FMN1: variants seen among roughly 807,000 people sequenced by gnomAD.
FMN1 encodes the protein formin 1.
FMN1 carries 110 observed loss-of-function variants against 132.4 expected under a neutral mutation model. The observed-to-expected ratio is 0.83, with a 90% CI of 0.71 to 0.97. FMN1 has a LOEUF of 0.97. FMN1 is among the 50% of genes least tolerant of loss of function. The pLI, the probability that FMN1 is intolerant of heterozygous loss-of-function variation, is 0.00. For synonymous variants in FMN1, 722 were observed against 651.7 expected (o/e 1.11, Z -1.64); for missense variants, 1,792 against 1,705.3 (o/e 1.05, Z -0.90).
At chr15:33,017,666 G>A (rs983022057) in intron 6 of FMN1, among the ~76,000 whole-genome samples, 3 of 152,100 alleles carry the variant, frequency 2.0e-5, no homozygotes, top group South Asian at 4.1e-4. Flanking sequence ...AATTTCTTTA[G>A]GCAAAAATAT....
At chr15:32,820,976 G>T (rs1055791799) in intron 17 of FMN1, among the ~76,000 whole-genome samples, 5 of 151,852 alleles carry the variant, frequency 3.3e-5, no homozygotes, top group Admixed American at 2.0e-4. Context: ...TAATAAAGAG[G>T]TCTCGTATTT....
At chr15:32,931,801 T>C (rs1433626036) in intron 9 of FMN1, among the ~76,000 whole-genome samples, 1 of 152,340 alleles carries the variant, frequency 6.6e-6, no homozygotes, top group Admixed American at 6.5e-5. Context: ...TTTTGGTTTT[T>C]CAACCTTGAT....
chr15:33,073,519 T>G (rs2038078455), intron 5 of FMN1, among the ~76,000 whole-genome samples: 1 of 152,194 alleles, frequency 6.6e-6, no homozygotes, highest in African/African-American at 2.4e-5. Context: ...AAATCCTGGT[T>G]TCTTGGTTCA....
At chr15:32,992,558 A>G (rs2033499571) in intron 7 of FMN1, among the ~76,000 whole-genome samples, 1 of 152,228 alleles carries the variant, frequency 6.6e-6, no homozygotes, top group Admixed American at 6.5e-5. Flanking sequence ...AAACTTAAGA[A>G]AAAGGACTGG....
At chr15:32,827,712 C>T (rs1479027662) in intron 17 of FMN1, among the ~76,000 whole-genome samples, 2 of 152,066 alleles carry the variant, frequency 1.3e-5, no homozygotes, top group East Asian at 1.9e-4. Context: ...GGCGTGGTGG[C>T]GGGCACCTGT....
chr15:33,003,617 C>T (rs2034243353), intron 7 of FMN1, among the ~76,000 whole-genome samples: 1 of 152,154 alleles, frequency 6.6e-6, no homozygotes, highest in South Asian at 2.1e-4. Context: ...GGCCATACTG[C>T]CCAAGGTAAT....
rs2031501944 is a variant in FMN1, at chr15:32,968,904, A to G, written c.2797T>C (p.Ser933Pro). ...CCTCCAGGGTTGGGTGGGGCAGGGG[A>G]GTTAGGAAGTGGGGGTGGGGGTGGG... ...PPPPPPPLPN[S>P]PAPPNPGGPP... Residue 933 changes from serine (S) to proline (P), a missense_variant, in exon 8 of 21, where the codon TCC becomes CCC. Around this residue, in one of 3 missense-constraint regions of FMN1, gnomAD observed 1,150 missense variants for 1,043.1 expected, o/e 1.10. Coordinates refer to ENST00000616417, the MANE Select transcript of FMN1 (RefSeq NM_001277313.2). 3 of 156,050 alleles carry G rather than the reference A, an allele frequency of 1.9e-5. No individual in the cohort carries two copies. The highest frequency in any genetic ancestry group is 7.5e-5 in the African/African-American group (1 of 13,290). 9.7% of individuals were successfully genotyped at this position (156,050 alleles called of 1,614,324 possible). A position where few individuals can be genotyped will look rare whatever the true frequency, so the allele number is the denominator to read the frequency against.
chr15:33,057,852 T>C (rs1413034437), intron 6 of FMN1, among the ~76,000 whole-genome samples: 1 of 152,224 alleles, frequency 6.6e-6, no homozygotes, highest in Non-Finnish European at 1.5e-5. Context: ...AAAATTGTTA[T>C]TTACAATTTC....
intron 3 of FMN1, among the ~76,000 whole-genome samples, chr15:33,172,222 A>AAAG (rs1566965766): frequency 1.3e-5 from 2 of 151,366 alleles, no homozygotes; most frequent in African/African-American, 4.9e-5. Flanking sequence ...AAAAAAAAAG[A>AAAG]AAAGAAAGAA....
chr15:32,972,208 T>G (rs1411753606), intron 7 of FMN1, among the ~76,000 whole-genome samples: 1 of 152,226 alleles, frequency 6.6e-6, no homozygotes, highest in African/African-American at 2.4e-5. Context: ...CAGAGCCCAG[T>G]GGCCCCATTA....
At chr15:33,080,559 C>A (rs975108879) in intron 5 of FMN1, among the ~76,000 whole-genome samples, 1 of 152,112 alleles carries the variant, frequency 6.6e-6, no homozygotes. Flanking sequence ...TCAAGACCAG[C>A]CTGGCCAATG....
At chr15:33,024,529 A>C (rs1342532740) in intron 6 of FMN1, among the ~76,000 whole-genome samples, 3 of 152,006 alleles carry the variant, frequency 2.0e-5, no homozygotes, top group South Asian at 2.1e-4. Flanking sequence ...TACAGGTGTG[A>C]GCCACCACGC....
At chr15:32,807,956 A>G (rs112568942) in intron 17 of FMN1, among the ~76,000 whole-genome samples, 7 of 152,332 alleles carry the variant, frequency 4.6e-5, no homozygotes, top group African/African-American at 1.2e-4. Context: ...AAACCAGGCC[A>G]TTACACATTT....
chr15:32,943,133 T>C (rs1053703790), intron 9 of FMN1, among the ~76,000 whole-genome samples: 2 of 152,116 alleles, frequency 1.3e-5, no homozygotes, highest in Admixed American at 6.5e-5. Context: ...ACTGGAAAAT[T>C]TGAAATCTGA....
At chr15:33,088,391 G>A (rs564586004) in intron 5 of FMN1, among the ~76,000 whole-genome samples, 2 of 152,274 alleles carry the variant, frequency 1.3e-5, no homozygotes, top group Admixed American at 1.3e-4. Context: ...GAATATGGAA[G>A]GAAGGCAGGG....
intron 7 of FMN1, among the ~76,000 whole-genome samples, chr15:33,002,098 T>A (rs1211311410): frequency 1.3e-5 from 2 of 152,218 alleles, no homozygotes; most frequent in Admixed American, 1.3e-4. Context: ...TCATGCTGTT[T>A]TCTTTAAATT....
intron 9 of FMN1, among the ~76,000 whole-genome samples, chr15:32,947,799 T>C (rs2061541742): frequency 6.6e-6 from 1 of 152,098 alleles, no homozygotes; most frequent in South Asian, 2.1e-4. Context: ...TGTATAAAAA[T>C]GCAATTGATT....
chr15:33,059,349 T>A (rs187328544), intron 6 of FMN1, among the ~76,000 whole-genome samples: 1 of 152,254 alleles, frequency 6.6e-6, no homozygotes, highest in East Asian at 1.9e-4. Flanking sequence ...AGTTCTACAA[T>A]GAACATGGGA....
At chr15:32,854,839 G>A (rs1017627072) in intron 17 of FMN1, among the ~76,000 whole-genome samples, 14 of 151,798 alleles carry the variant, frequency 9.2e-5, no homozygotes, top group African/African-American at 3.4e-4. Context: ...GCTTGAACCC[G>A]GGAGGTGGAG....
Sources: allele counts gnomAD v4.1 joint callset (sites outside exome capture counted in the v4.1 genomes callset), GRCh38; gene constraint gnomAD v4.1.1; regional missense constraint gnomAD v4.1.1; transcripts MANE v1.5; gene names NCBI Gene and HGNC (gene_info 2026-07-23, HGNC 2026-07-21).